Variants in COPG2 observed in about 807,000 individuals in gnomAD.
COPG2 encodes the protein coat protein complex I subunit gamma 2.
Under a neutral mutation model 46.3 loss-of-function variants are expected in COPG2, and 37 were observed. The ratio of observed to expected loss-of-function variants is 0.80; its 90% confidence interval spans 0.61 to 1.05. The LOEUF is 1.05. COPG2 is among the 50% of genes least tolerant of loss of function. The pLI is 0.00. For synonymous variants in COPG2, 159 were observed against 129.7 expected (o/e 1.23, Z -1.53); for missense variants, 427 against 387.8 (o/e 1.10, Z -0.85).
At chr7:130,616,533 T>C (rs889970468) in intron 6 of COPG2, among the ~76,000 whole-genome samples, 3 of 152,214 alleles carry the variant, frequency 2.0e-5, no homozygotes, top group Non-Finnish European at 4.4e-5. Flanking sequence ...GAGGTTGCAG[T>C]GAGCCAAGAT....
intron 11 of COPG2, among the ~76,000 whole-genome samples, chr7:130,561,840 G>C (rs1376216771): frequency 1.3e-5 from 2 of 152,178 alleles, no homozygotes; most frequent in East Asian, 1.9e-4. Context: ...AAACTAATGC[G>C]AAACTCTTTA....
rs934878195 is a variant in COPG2 at position 130,570,242 on chromosome 7, T to C, written c.738-5849A>G. Among the ~76,000 whole-genome samples the C allele has an allele frequency of 2.4e-3, 369 of 152,162 alleles. 2 individuals are homozygous for C. Among genetic ancestry groups the C allele is most frequent in the Non-Finnish European group, 3.3e-3 (221 of 67,978 alleles). ...GAGAAAGAAATAAAGGACATCCAAA[T>C]TGGTAAAGAGGAAGTTAAACTGTTG... On this transcript the variant is annotated intron_variant, in intron 9 of 23. Transcript: ENST00000425248.
chr7:130,574,479 T>C (rs1793970105), intron 9 of COPG2, among the ~76,000 whole-genome samples: 1 of 152,072 alleles, frequency 6.6e-6, no homozygotes. Flanking sequence ...GGAAGCCACG[T>C]CCATAGGAAA....
intron 9 of COPG2, among the ~76,000 whole-genome samples, chr7:130,592,374 C>G (rs1200230899): frequency 1.4e-5 from 2 of 140,532 alleles, no homozygotes; most frequent in African/African-American, 2.8e-5. Context: ...TCCCCCTCTG[C>G]GAGAAACACC....
intron 9 of COPG2, among the ~76,000 whole-genome samples, chr7:130,581,671 A>G (rs1794146912): frequency 4.8e-5 from 6 of 125,344 alleles, no homozygotes; most frequent in African/African-American, 1.5e-4. Flanking sequence ...AAATCAATGT[A>G]CAAAAATCAC....
intron 20 of COPG2, chr7:130,509,369 T>C (rs556030219): frequency 1.9e-4 from 88 of 465,370 alleles, no homozygotes; most frequent in Admixed American, 4.2e-4. Flanking sequence ...TTTTCTGAAA[T>C]GTTTGAAGGA....
chr7:130,577,438 C>T (rs1794022180), intron 9 of COPG2, among the ~76,000 whole-genome samples: 1 of 152,186 alleles, frequency 6.6e-6, no homozygotes, highest in African/African-American at 2.4e-5. Flanking sequence ...GTCACTCCCA[C>T]CCGAATATTG....
intron 5 of COPG2, among the ~76,000 whole-genome samples, chr7:130,624,995 T>C (rs1795093660): frequency 6.6e-6 from 1 of 152,248 alleles, no homozygotes; most frequent in Non-Finnish European, 1.5e-5. Flanking sequence ...CTATACTGTT[T>C]TCCATAGTGG....
intron 20 of COPG2, among the ~76,000 whole-genome samples, chr7:130,522,484 G>A (rs948701251): frequency 5.9e-5 from 9 of 152,196 alleles, no homozygotes; most frequent in South Asian, 2.1e-4. Context: ...CTATCAGGCC[G>A]ATACGAAGGG....
intron 20 of COPG2, among the ~76,000 whole-genome samples, chr7:130,524,694 G>C (rs1799757453): frequency 6.6e-6 from 1 of 152,146 alleles, no homozygotes; most frequent in Admixed American, 6.5e-5. Context: ...GGATGACAAA[G>C]CATAGTGTGG....
rs1444405562 is a variant in COPG2, at chr7:130,580,349, T to C, written c.738-15956A>G. ...TCTCTGGGACGCATTCAAAGCAGTG[T>C]GTAGAGGGAAATTTATAGCACTAAA... is the stretch of plus-strand genomic sequence containing the variant. On this transcript the variant is annotated intron_variant, in intron 9 of 23. Coordinates refer to ENST00000425248, the MANE Select transcript of COPG2 (RefSeq NM_012133.6). Among the ~76,000 whole-genome samples, 16 of 122,540 alleles carry C rather than the reference T, an allele frequency of 1.3e-4. 1 individual carries two copies. The East Asian group carries it at 2.2e-3, about 17-fold the overall frequency. The allele number at this position is 122,540 out of a possible 152,430, so 80.4% of individuals were successfully genotyped here.
chr7:130,625,677 T>C (rs1795106184), intron 5 of COPG2, among the ~76,000 whole-genome samples: 1 of 152,054 alleles, frequency 6.6e-6, no homozygotes. Flanking sequence ...TCTCCGTTTT[T>C]TTTTTTACCA....
chr7:130,507,188 C>A, intron 23 of COPG2, 86 bp downstream of exon 23: 1 of 748,858 alleles, frequency 1.3e-6, no homozygotes, highest in Non-Finnish European at 2.5e-6. Flanking sequence ...GATGATGGGA[C>A]AACAGCAAGG....
chr7:130,653,204 C>CA (rs1795783042), intron 4 of COPG2, among the ~76,000 whole-genome samples: 1 of 152,096 alleles, frequency 6.6e-6, no homozygotes, highest in Non-Finnish European at 1.5e-5. Context: ...CTGAGAGATA[C>CA]AAACTTAGAC....
At chr7:130,510,627 C>T (rs752847050) in intron 20 of COPG2, among the ~76,000 whole-genome samples, 1 of 152,058 alleles carries the variant, frequency 6.6e-6, no homozygotes, top group Non-Finnish European at 1.5e-5. Flanking sequence ...GAGGTAAAGA[C>T]AGAAGACACT....
chr7:130,630,495 T>G (rs887364800), intron 5 of COPG2, among the ~76,000 whole-genome samples: 15 of 152,060 alleles, frequency 9.9e-5, no homozygotes, highest in Admixed American at 2.6e-4. Flanking sequence ...CAGCAAAGAG[T>G]CTCAGTTTTC....
At chr7:130,610,482 C>CTA in intron 9 of COPG2, 2 of 515,484 alleles carry the variant, frequency 3.9e-6, no homozygotes, top group Non-Finnish European at 7.8e-6. Flanking sequence ...GCCCAGCTTA[C>CTA]TATACCTCAA....
intron 9 of COPG2, among the ~76,000 whole-genome samples, chr7:130,576,235 G>T (rs1260456225): frequency 6.6e-6 from 1 of 152,076 alleles, no homozygotes; most frequent in Non-Finnish European, 1.5e-5. Flanking sequence ...CAAATATATA[G>T]AACATCTTAT....
chr7:130,537,131 G>C (rs997482587), intron 20 of COPG2, among the ~76,000 whole-genome samples: 3 of 152,120 alleles, frequency 2.0e-5, no homozygotes, highest in Non-Finnish European at 4.4e-5. Flanking sequence ...ACACGAATGA[G>C]TGACAAAGAC....
Sources: gnomAD v4.1 joint callset for allele counts (sites outside exome capture counted in the v4.1 genomes callset) on GRCh38, gnomAD v4.1.1 for gene constraint, MANE v1.5 for transcripts, NCBI Gene and HGNC (gene_info 2026-07-23, HGNC 2026-07-21) for gene names.